Variants in KCNK1 observed in about 807,000 individuals in gnomAD.
KCNK1 encodes potassium two pore domain channel subfamily K member 1.
KCNK1 carries 10 observed loss-of-function variants against 22.2 expected under a neutral mutation model. That is an observed-to-expected ratio of 0.45 (90% CI 0.28 to 0.76). The LOEUF is 0.76. Among genes scored for constraint, KCNK1 ranks in the 30% least tolerant of loss-of-function variants. KCNK1 has a pLI of 0.14. For synonymous variants in KCNK1, 200 were observed against 186.4 expected (o/e 1.07, Z -0.60); for missense variants, 378 against 421.0 (o/e 0.90, Z 0.89).
chr1:233,625,036 G>A (rs549419395), intron 1 of KCNK1, among the ~76,000 whole-genome samples: 1 of 152,310 alleles, frequency 6.6e-6, no homozygotes, highest in East Asian at 1.9e-4. Context: ...ATTAATAGGA[G>A]AAAAGGCATA....
At chr1:233,652,653 A>C (rs954466960) in intron 1 of KCNK1, among the ~76,000 whole-genome samples, 1 of 152,178 alleles carries the variant, frequency 6.6e-6, no homozygotes, top group Non-Finnish European at 1.5e-5. Flanking sequence ...AGGTTTCAGG[A>C]GCTCATGCTG....
At chr1:233,616,130 C>T (rs1464357414) in intron 1 of KCNK1, among the ~76,000 whole-genome samples, 2 of 152,126 alleles carry the variant, frequency 1.3e-5, no homozygotes, top group Admixed American at 1.3e-4. Flanking sequence ...TATATTTGTG[C>T]TATATTGAGA....
intron 1 of KCNK1, among the ~76,000 whole-genome samples, chr1:233,662,574 C>T (rs1288796007): frequency 1.3e-5 from 2 of 152,112 alleles, no homozygotes; most frequent in Non-Finnish European, 2.9e-5. Flanking sequence ...GAAGCATAGC[C>T]CCTGATTGGA....
chr1:233,655,767 G>C (rs1653621995), intron 1 of KCNK1: 1 of 153,046 alleles, frequency 6.5e-6, no homozygotes, highest in African/African-American at 2.4e-5. Flanking sequence ...GAATCTGCTG[G>C]TGCCTTGATC....
intron 1 of KCNK1, chr1:233,631,195 C>A (rs1309762438): frequency 4.1e-6 from 2 of 493,748 alleles, no homozygotes; most frequent in African/African-American, 3.9e-5. Flanking sequence ...TACGTGGTAA[C>A]TGCTAACTCA....
At chr1:233,661,111 T>C (rs1184030419) in intron 1 of KCNK1, among the ~76,000 whole-genome samples, 1 of 152,188 alleles carries the variant, frequency 6.6e-6, no homozygotes, top group African/African-American at 2.4e-5. Context: ...CTGTTTTTAT[T>C]GAGTGTTTTG....
At chr1:233,638,310 A>T (rs1657938646) in intron 1 of KCNK1, among the ~76,000 whole-genome samples, 1 of 152,144 alleles carries the variant, frequency 6.6e-6, no homozygotes, top group Non-Finnish European at 1.5e-5. Context: ...TCAGGAAAAA[A>T]ATAATTAATT....
chr1:233,670,216 C>G (rs761954388), intron 2 of KCNK1, among the ~76,000 whole-genome samples: 3 of 152,220 alleles, frequency 2.0e-5, no homozygotes, highest in African/African-American at 7.2e-5. Flanking sequence ...CTTGAGTCAA[C>G]AGTTATCCTT....
intron 1 of KCNK1, among the ~76,000 whole-genome samples, chr1:233,663,111 T>A (rs568695016): frequency 1.3e-5 from 2 of 152,304 alleles, no homozygotes; most frequent in South Asian, 2.1e-4. Context: ...CGAAGCGCTG[T>A]GTTGTAGTTG....
chr1:233,632,738 G>A (rs1333679681), intron 1 of KCNK1, among the ~76,000 whole-genome samples: 1 of 152,140 alleles, frequency 6.6e-6, no homozygotes, highest in Non-Finnish European at 1.5e-5. Flanking sequence ...TTCTTCCTGA[G>A]GATCGTGGGT....
intron 1 of KCNK1, among the ~76,000 whole-genome samples, chr1:233,648,723 C>A (rs1365978663): frequency 6.6e-6 from 1 of 152,070 alleles, no homozygotes; most frequent in Non-Finnish European, 1.5e-5. Flanking sequence ...CGCACCACCA[C>A]ACCCGGCTGA....
chr1:233,629,514 G>T (rs1425352046), intron 1 of KCNK1: 3 of 152,298 alleles, frequency 2.0e-5, no homozygotes, highest in Non-Finnish European at 4.4e-5. Flanking sequence ...CAGGCGACAG[G>T]CACTGAAGGT....
chr1:233,618,899 A>G (rs1657530661), intron 1 of KCNK1, among the ~76,000 whole-genome samples: 2 of 152,228 alleles, frequency 1.3e-5, no homozygotes, highest in Admixed American at 6.5e-5. Flanking sequence ...ACAAAGAAAC[A>G]TAAAAACAAA....
rs1354727709 is a variant in KCNK1 at position 233,666,809 on chromosome 1, C to T, written c.570C>T (p.Val190=). ...TCCATGCCGTGCTCCTTGGGTTTGT[C>T]ACTGTGTCCTGCTTCTTCTTCATCC... ...AIVHAVLLGF[V]TVSCFFFIPA... Residue 190 remains valine (V), a synonymous_variant, in exon 2 of 3, where the codon GTC becomes GTT. Transcript: ENST00000366621. 1 of 1,614,220 alleles carries T rather than the reference C, an allele frequency of 6.2e-7. No homozygotes were observed. The highest frequency in any genetic ancestry group is 1.7e-5 in the Admixed American group (1 of 60,032).
At chr1:233,663,273 T>A (rs1222607947) in intron 1 of KCNK1, among the ~76,000 whole-genome samples, 1 of 152,234 alleles carries the variant, frequency 6.6e-6, no homozygotes, top group African/African-American at 2.4e-5. Flanking sequence ...TGCGTGGTGG[T>A]GATTTTTAAT....
At position 233,671,921 on chromosome 1, in the gene KCNK1, CAA is replaced by C. The variant is rs945313188; in HGVS notation, c.*401_*402del. ...AAATAGCAAAATTTATATTTAGAAG[CAA>C]AAAAAAAAAGCATAGAGATGTGTTT... is the stretch of plus-strand genomic sequence containing the variant. On this transcript the variant is annotated 3_prime_UTR_variant, in exon 3 of 3. Transcript: ENST00000366621. The C allele has an allele frequency of 5.0e-4, 76 of 153,168 alleles. No homozygotes were observed. Among genetic ancestry groups the C allele is most frequent in the South Asian group, 1.7e-3 (11 of 6,592 alleles). 9.5% of individuals were successfully genotyped at this position (153,168 alleles called of 1,614,324 possible). A position where few individuals can be genotyped will look rare whatever the true frequency, so the allele number is the denominator to read the frequency against.
chr1:233,618,546 C>T (rs1325428441), intron 1 of KCNK1, among the ~76,000 whole-genome samples: 1 of 152,170 alleles, frequency 6.6e-6, no homozygotes, highest in Admixed American at 6.5e-5. Context: ...CTTCTTTATT[C>T]ATTCCCCAAA....
chr1:233,669,344 C>T (rs1417682500), intron 2 of KCNK1, among the ~76,000 whole-genome samples: 1 of 152,134 alleles, frequency 6.6e-6, no homozygotes, highest in Non-Finnish European at 1.5e-5. Flanking sequence ...ATACTAAATC[C>T]TTGCATAACA....
intron 2 of KCNK1, among the ~76,000 whole-genome samples, chr1:233,667,599 G>A (rs12743581): frequency 0.02 from 2,978 of 151,280 alleles, 40 homozygotes; most frequent in Non-Finnish European, 0.029. Flanking sequence ...GCGTGGTAGC[G>A]GGCGCCTGTA....
Sources: gnomAD v4.1 joint callset for allele counts (sites outside exome capture counted in the v4.1 genomes callset) on GRCh38, gnomAD v4.1.1 for gene constraint, MANE v1.5 for transcripts, NCBI Gene and HGNC (gene_info 2026-07-23, HGNC 2026-07-21) for gene names.